Variants in CBFA2T2 observed in about 807,000 individuals in gnomAD.
CBFA2T2 encodes CBFA2/RUNX1 partner transcriptional co-repressor 2, also known as protein CBFA2T2.
CBFA2T2 carries 11 observed loss-of-function variants against 62.2 expected under a neutral mutation model. The ratio of observed to expected loss-of-function variants is 0.18; its 90% CI spans 0.11 to 0.29. CBFA2T2 has a LOEUF of 0.29. Ranked by LOEUF, CBFA2T2 falls within the 10% of genes least tolerant of loss-of-function variation. The pLI, the probability that CBFA2T2 is intolerant of heterozygous loss-of-function variation, is 1.00. For missense variants in CBFA2T2, 592 were observed against 774.1 expected, an observed-to-expected ratio of 0.76 and a Z score of 2.79; for synonymous variants, 295 against 287.5, an observed-to-expected ratio of 1.03 and a Z score of -0.27.
At chr20:33,591,847 T>G (rs983619478) in intron 1 of CBFA2T2, among the ~76,000 whole-genome samples, 24 of 126,926 alleles carry the variant, frequency 1.9e-4, no homozygotes, top group East Asian at 2.8e-4. Flanking sequence ...TACATCCCAA[T>G]TGTGGCGGGG....
intron 3 of CBFA2T2, 120 bp from the exon 4 acceptor site, chr20:33,619,397 A>T: frequency 3.7e-6 from 2 of 539,082 alleles, no homozygotes; most frequent in Non-Finnish European, 6.1e-6. Flanking sequence ...ACAGAGCAAG[A>T]CTCCATCTCA....
chr20:33,506,368 T>C (rs1040216299), intron 1 of CBFA2T2, among the ~76,000 whole-genome samples: 2 of 152,198 alleles, frequency 1.3e-5, no homozygotes, highest in African/African-American at 2.4e-5. Context: ...GGTCCCCTCT[T>C]TTTTCATATT....
chr20:33,503,254 C>CTTTTTTTTTTTT (rs557746879), intron 1 of CBFA2T2, among the ~76,000 whole-genome samples: 2 of 108,644 alleles, frequency 1.8e-5, no homozygotes, highest in African/African-American at 3.7e-5. Context: ...TTCTTTCTTT[C>CTTTTTTTTTTTT]TTTTTTTTTT....
intron 1 of CBFA2T2, among the ~76,000 whole-genome samples, chr20:33,570,147 G>A (rs1243656905): frequency 6.6e-6 from 1 of 152,158 alleles, no homozygotes; most frequent in Non-Finnish European, 1.5e-5. Flanking sequence ...CAGGTGTGGT[G>A]GCACATGCCT....
intron 1 of CBFA2T2, among the ~76,000 whole-genome samples, chr20:33,524,551 C>T (rs778589671): frequency 2.5e-4 from 38 of 151,894 alleles, no homozygotes; most frequent in Non-Finnish European, 4.6e-4. Context: ...AACTTGCAAA[C>T]GTTGTTCTCA....
intron 1 of CBFA2T2, among the ~76,000 whole-genome samples, chr20:33,528,937 C>T (rs545030526): frequency 1.3e-5 from 2 of 152,290 alleles, no homozygotes; most frequent in East Asian, 3.9e-4. Context: ...CTCGTGATGC[C>T]ACCAATTGGC....
At chr20:33,510,874 C>T (rs1346155585) in intron 1 of CBFA2T2, among the ~76,000 whole-genome samples, 47 of 152,188 alleles carry the variant, frequency 3.1e-4, no homozygotes, top group Non-Finnish European at 7.4e-5. Context: ...TTTTGCATTT[C>T]TCTGATGACC....
At chr20:33,624,048 GAGA>G (rs1483172721) in intron 5 of CBFA2T2, 2 of 536,584 alleles carry the variant, frequency 3.7e-6, no homozygotes, top group Admixed American at 7.3e-5. Context: ...TTTCTGATCT[GAGA>G]AGTTTTGAAA....
intron 1 of CBFA2T2, among the ~76,000 whole-genome samples, chr20:33,511,816 C>G (rs2011516655): frequency 2.0e-5 from 3 of 151,796 alleles, no homozygotes; most frequent in South Asian, 4.2e-4. Flanking sequence ...CCCAGGAGTT[C>G]TGAGGATGCA....
chr20:33,579,942 A>G (rs956784281), intron 1 of CBFA2T2, among the ~76,000 whole-genome samples: 3 of 151,412 alleles, frequency 2.0e-5, no homozygotes, highest in Admixed American at 6.6e-5. Flanking sequence ...AGCTTCCTGC[A>G]TAGCTGGGAT....
chr20:33,493,347 AT>A (rs2011163679), intron 1 of CBFA2T2, among the ~76,000 whole-genome samples: 1 of 152,126 alleles, frequency 6.6e-6, no homozygotes, highest in Admixed American at 6.6e-5. Context: ...AAATGCTGGG[AT>A]TACAGGCATG....
chr20:33,583,281 G>A lies in CBFA2T2; in HGVS notation c.35-23675G>A, dbSNP rs2014202058. ...TGAAAAATCAACTGAAAAATCAGTT[G>A]TTTTAGTAGTCATTACTACAAAGTT... is the stretch of plus-strand genomic sequence containing the variant. On this transcript the variant is annotated intron_variant, in intron 1 of 10. Coordinates refer to ENST00000342704, the MANE Select transcript of CBFA2T2 (RefSeq NM_001032999.3). Among the ~76,000 whole-genome samples, 4 of 152,318 alleles carry A rather than the reference G, an allele frequency of 2.6e-5. 1 individual carries two copies. The South Asian group carries it at 8.3e-4, about 32-fold the overall frequency.
chr20:33,498,613 G>A (rs1254374989), intron 1 of CBFA2T2, among the ~76,000 whole-genome samples: 1 of 152,080 alleles, frequency 6.6e-6, no homozygotes, highest in Non-Finnish European at 1.5e-5. Flanking sequence ...CGTGATGGTG[G>A]TGCCACTCAG....
intron 9 of CBFA2T2, among the ~76,000 whole-genome samples, chr20:33,638,259 G>T (rs1232722098): frequency 2.0e-5 from 3 of 152,030 alleles, no homozygotes; most frequent in Admixed American, 2.0e-4. Context: ...AGGATTACAG[G>T]CATGAGCCTG....
chr20:33,539,861 T>A (rs926358770), intron 1 of CBFA2T2, among the ~76,000 whole-genome samples: 9 of 151,934 alleles, frequency 5.9e-5, no homozygotes, highest in Non-Finnish European at 1.3e-4. Flanking sequence ...TAATTTTTTT[T>A]TTTAATTTTT....
chr20:33,500,854 C>T (rs890162979), intron 1 of CBFA2T2, among the ~76,000 whole-genome samples: 3 of 152,204 alleles, frequency 2.0e-5, no homozygotes, highest in African/African-American at 7.2e-5. Flanking sequence ...CAGAAACTGT[C>T]AGCAGTCTTT....
intron 7 of CBFA2T2, among the ~76,000 whole-genome samples, chr20:33,629,225 C>T (rs2016359883): frequency 6.6e-6 from 1 of 152,150 alleles, no homozygotes; most frequent in South Asian, 2.1e-4. Flanking sequence ...AGTTTTAGAA[C>T]ACAGGTCAGT....
At chr20:33,509,235 C>T (rs1051480714) in intron 1 of CBFA2T2, among the ~76,000 whole-genome samples, 4 of 151,714 alleles carry the variant, frequency 2.6e-5, no homozygotes, top group Non-Finnish European at 5.9e-5. Flanking sequence ...GGTGTGGTGG[C>T]ACACACCTGT....
At chr20:33,498,121 G>A (rs999774275) in intron 1 of CBFA2T2, among the ~76,000 whole-genome samples, 1 of 151,962 alleles carries the variant, frequency 6.6e-6, no homozygotes, top group Non-Finnish European at 1.5e-5. Flanking sequence ...GGTAGAGACA[G>A]GGTTTCTTCA....
Sources: allele counts gnomAD v4.1 joint callset (sites outside exome capture counted in the v4.1 genomes callset), GRCh38; gene constraint gnomAD v4.1.1; transcripts MANE v1.5; gene names NCBI Gene and HGNC (gene_info 2026-07-23, HGNC 2026-07-21).